TUSC3: variants seen among roughly 807,000 people sequenced by gnomAD.
TUSC3 encodes the protein tumor suppressor candidate 3.
In TUSC3, 45 loss-of-function variants were observed where a neutral mutation model predicts 44.8. That is an observed-to-expected ratio of 1.00 (90% CI 0.79 to 1.29). The LOEUF (loss-of-function observed/expected upper bound fraction) is 1.29. TUSC3 is among the 50% of genes most tolerant of loss of function. TUSC3 has a pLI of 0.00. For missense variants in TUSC3, 519 were observed against 437.9 expected, an observed-to-expected ratio of 1.19 and a Z score of -1.65; for synonymous variants, 212 against 152.9, an observed-to-expected ratio of 1.39 and a Z score of -2.85.
chr8:15,627,485 A>G (rs927093601), intron 2 of TUSC3, among the ~76,000 whole-genome samples: 4 of 152,236 alleles, frequency 2.6e-5, no homozygotes, highest in East Asian at 1.9e-4. Context: ...TGGCAAGGCT[A>G]AAAGAGCTGT....
intron 1 of TUSC3, among the ~76,000 whole-genome samples, chr8:15,599,111 G>A (rs747342842): frequency 6.6e-6 from 1 of 151,870 alleles, no homozygotes; most frequent in African/African-American, 2.4e-5. Context: ...AGTTGATGTT[G>A]TCAGTGCTCT....
downstream of TUSC3, among the ~76,000 whole-genome samples, chr8:15,767,817 C>CAA (rs1812370530): frequency 6.6e-6 from 1 of 152,160 alleles, no homozygotes; most frequent in Non-Finnish European, 1.5e-5. Context: ...GAAGAAGCCA[C>CAA]TGCTGCCTGG....
chr8:15,824,980 G>C, the TUSC3 span, among the ~76,000 whole-genome samples: 1 of 152,148 alleles, frequency 6.6e-6, no homozygotes, highest in African/African-American at 2.4e-5. Flanking sequence ...AGACACTTGA[G>C]ACAAAAGTCA....
At chr8:15,686,795 G>A (rs1047974259) in intron 6 of TUSC3, among the ~76,000 whole-genome samples, 5 of 151,908 alleles carry the variant, frequency 3.3e-5, no homozygotes, top group African/African-American at 4.8e-5. Flanking sequence ...CTGGCCGGGC[G>A]TGGTGGCTCA....
At chr8:15,537,161 C>G (rs1173419650), upstream of TUSC3, among the ~76,000 whole-genome samples, 2 of 135,374 alleles carry the variant, frequency 1.5e-5, no homozygotes, top group Non-Finnish European at 3.3e-5. Flanking sequence ...TGAAGTCTGT[C>G]TGAGAGATTG....
At position 15,570,954 on chromosome 8, in the gene TUSC3, G is replaced by GTT. The variant is rs549277334; in HGVS notation, c.138+30405_138+30406dup. On this transcript the variant is annotated intron_variant, in intron 1 of 10. Coordinates refer to ENST00000503731, the MANE Select transcript of TUSC3 (RefSeq NM_006765.4). ...TTGCTTTCTATTCCATTGCCTATTA[G>GTT]TTTTTTTTTTTTTTTTTTTTGAGAT... Among the ~76,000 whole-genome samples the GTT allele has an allele frequency of 8.2e-3, 366 of 44,494 alleles. 99 individuals carry two copies. The highest frequency in any genetic ancestry group is 0.014 in the Non-Finnish European group (269 of 19,084). The allele number at this position is 44,494 out of a possible 152,430, so 29.2% of individuals were successfully genotyped here.
chr8:15,489,081 C>T (rs966502585), intron 2 of TUSC3, among the ~76,000 whole-genome samples: 1 of 152,158 alleles, frequency 6.6e-6, no homozygotes. Flanking sequence ...GGCAGAGTCT[C>T]AAGAGGTCCT....
At chr8:15,639,073 C>T (rs1476223699) in intron 2 of TUSC3, among the ~76,000 whole-genome samples, 1 of 90,376 alleles carries the variant, frequency 1.1e-5, no homozygotes, top group Non-Finnish European at 2.2e-5. Context: ...TGCTGATGCT[C>T]GATCACGTGA....
At chr8:15,505,173 C>G (rs1207516324) in intron 2 of TUSC3, among the ~76,000 whole-genome samples, 2 of 152,158 alleles carry the variant, frequency 1.3e-5, no homozygotes, top group Non-Finnish European at 2.9e-5. Flanking sequence ...TACTTCATGA[C>G]TGTTTTCACA....
At chr8:15,570,185 A>G (rs1387108721) in intron 1 of TUSC3, among the ~76,000 whole-genome samples, 1 of 151,788 alleles carries the variant, frequency 6.6e-6, no homozygotes, top group Non-Finnish European at 1.5e-5. Context: ...GTTATATGTC[A>G]TCTGTGCAGA....
At chr8:15,737,177 T>C (rs1810972489) in intron 7 of TUSC3, among the ~76,000 whole-genome samples, 1 of 152,108 alleles carries the variant, frequency 6.6e-6, no homozygotes, top group Admixed American at 6.6e-5. Flanking sequence ...AAACATACTA[T>C]AGAAAAAAAT....
At chr8:15,582,395 A>G (rs899748879) in intron 1 of TUSC3, among the ~76,000 whole-genome samples, 4 of 152,154 alleles carry the variant, frequency 2.6e-5, no homozygotes, top group Admixed American at 6.5e-5. Context: ...TCTTTTATGA[A>G]TTTGTTTTTT....
At chr8:15,454,739 C>T (rs547294575) in intron 1 of TUSC3, among the ~76,000 whole-genome samples, 4 of 152,232 alleles carry the variant, frequency 2.6e-5, no homozygotes, top group African/African-American at 9.6e-5. Flanking sequence ...CTGGACTGCA[C>T]AAGTCTTGCA....
At chr8:15,473,406 A>G (rs1436712781) in intron 1 of TUSC3, among the ~76,000 whole-genome samples, 2 of 152,248 alleles carry the variant, frequency 1.3e-5, no homozygotes, top group African/African-American at 4.8e-5. Flanking sequence ...GAAATACTAT[A>G]GAAAAAACTT....
rs1803591846 is a variant in TUSC3, at chr8:15,586,126, T to C, written c.139-36954T>C. Among the ~76,000 whole-genome samples the C allele has an allele frequency of 1.3e-5, 2 of 152,170 alleles. 1 individual carries two copies. Among genetic ancestry groups the C allele is most frequent in the South Asian group, 4.1e-4 (2 of 4,830 alleles). On this transcript the variant is annotated intron_variant, in intron 1 of 10. Transcript: ENST00000503731. The stretch of plus-strand genomic sequence containing the variant: ...ACAGTGCTAAATAATTATGTTCATA[T>C]AAGGTCAAGTCAGAGAAGTATCCAT...
At chr8:15,419,747 T>A (rs1264157970) in intron 1 of TUSC3, among the ~76,000 whole-genome samples, 2 of 152,232 alleles carry the variant, frequency 1.3e-5, no homozygotes, top group Non-Finnish European at 2.9e-5. Flanking sequence ...ATAAACTAAG[T>A]CTCAGTTTCC....
At chr8:15,516,664 A>G (rs1217139264) in intron 2 of TUSC3, among the ~76,000 whole-genome samples, 1 of 152,184 alleles carries the variant, frequency 6.6e-6, no homozygotes, top group Non-Finnish European at 1.5e-5. Flanking sequence ...ACTATTAACC[A>G]GAGGGCAAAA....
intron 6 of TUSC3, among the ~76,000 whole-genome samples, chr8:15,684,998 C>T (rs891548479): frequency 4.6e-5 from 7 of 152,180 alleles, no homozygotes; most frequent in African/African-American, 1.4e-4. Context: ...CAATGGTGGC[C>T]CTGCTCTCTT....
intron 1 of TUSC3, among the ~76,000 whole-genome samples, chr8:15,563,698 A>AAAAAAAAAG (rs1802564016): frequency 6.6e-6 from 1 of 151,182 alleles, no homozygotes; most frequent in African/African-American, 2.4e-5. Flanking sequence ...AAAAAAAAAA[A>AAAAAAAAAG]AAAAAAAGAA....
Sources: allele counts gnomAD v4.1 joint callset (sites outside exome capture counted in the v4.1 genomes callset), GRCh38; gene constraint gnomAD v4.1.1; transcripts MANE v1.5; gene names NCBI Gene and HGNC (gene_info 2026-07-23, HGNC 2026-07-21).